The following TAOK1 variants were observed in gnomAD, a reference collection of about 807,000 sequenced individuals.
TAOK1 encodes the protein TAO kinase 1.
Under a neutral mutation model 138.3 loss-of-function variants are expected in TAOK1, and 21 were observed. The ratio of observed to expected loss-of-function variants is 0.15; its 90% confidence interval spans 0.11 to 0.22. The LOEUF (loss-of-function observed/expected upper bound fraction) is 0.22. Among genes scored for constraint, TAOK1 ranks in the 10% least tolerant of loss-of-function variants. The probability of loss-of-function intolerance (pLI) is 1.00; values close to 1 mark genes in which losing one functional copy is unlikely to be tolerated. For synonymous variants in TAOK1, 361 were observed against 398.4 expected (o/e 0.91, Z 1.12); for missense variants, 651 against 1,227.7 (o/e 0.53, Z 7.02).
At chr17:29,470,306 G>C (rs547271272) in intron 3 of TAOK1, among the ~76,000 whole-genome samples, 35 of 152,246 alleles carry the variant, frequency 2.3e-4, no homozygotes, top group Admixed American at 8.5e-4. Context: ...AGTGAATAAG[G>C]CTCTTAGTAA....
intron 1 of TAOK1, among the ~76,000 whole-genome samples, chr17:29,411,252 C>T (rs1212810560): frequency 8.0e-5 from 12 of 149,258 alleles, no homozygotes; most frequent in African/African-American, 2.2e-4. Context: ...CCACTACGCC[C>T]GGCTAATTTT....
chr17:29,432,361 G>C, intron 1 of TAOK1, among the ~76,000 whole-genome samples: 1 of 152,234 alleles, frequency 6.6e-6, no homozygotes, highest in East Asian at 1.9e-4. Flanking sequence ...TTTCCATCCT[G>C]GGTGGGCCAG....
At chr17:29,521,863 T>G (rs577739245) in intron 16 of TAOK1, among the ~76,000 whole-genome samples, 88 of 152,366 alleles carry the variant, frequency 5.8e-4, no homozygotes, top group South Asian at 4.8e-3. Context: ...ATTACAGGCA[T>G]GAGCCACCGC....
intron 2 of TAOK1, among the ~76,000 whole-genome samples, chr17:29,465,837 CTTTTTTTTT>C (rs3058623): frequency 2.4e-4 from 11 of 45,454 alleles, no homozygotes; most frequent in South Asian, 1.9e-3. Context: ...AGTTTCTGTG[CTTTTTTTTT>C]TTTTTTTTTT....
Position 29,543,688 on chromosome 17 carries a change from T to G in TAOK1, c.*666T>G, listed in dbSNP as rs2032356572. On this transcript the variant is annotated 3_prime_UTR_variant, in exon 20 of 20. Coordinates refer to ENST00000261716, the MANE Select transcript of TAOK1 (RefSeq NM_020791.4). ...ATGAACACTAAAGGACTTCATTGAT[T>G]TTTTCAGAGAGTAGAAAACAACTTA... The G allele has an allele frequency of 6.6e-6, 1 of 152,332 alleles. No individual in the cohort carries two copies. The highest frequency in any genetic ancestry group is 6.5e-5 in the Admixed American group (1 of 15,280). 9.4% of individuals were successfully genotyped at this position (152,332 alleles called of 1,614,324 possible).
chr17:29,502,539 C>G, intron 12 of TAOK1, 50 bp from the exon 13 acceptor site: 1 of 1,550,972 alleles, frequency 6.4e-7, no homozygotes, highest in Non-Finnish European at 8.7e-7. Flanking sequence ...CATAAAGATT[C>G]AAACAAACTG....
At chr17:29,497,083 A>G (rs976965869) in intron 11 of TAOK1, among the ~76,000 whole-genome samples, 1 of 151,734 alleles carries the variant, frequency 6.6e-6, no homozygotes, top group Non-Finnish European at 1.5e-5. Context: ...TCATGAAGCA[A>G]TATACATATT....
intron 19 of TAOK1, among the ~76,000 whole-genome samples, chr17:29,541,653 G>A (rs2032318949): frequency 6.6e-6 from 1 of 150,378 alleles, no homozygotes; most frequent in Non-Finnish European, 1.5e-5. Context: ...GCACATGCCT[G>A]TAATCCCAGC....
chr17:29,401,170 C>T (rs868801698), intron 1 of TAOK1, among the ~76,000 whole-genome samples: 1 of 152,116 alleles, frequency 6.6e-6, no homozygotes, highest in Non-Finnish European at 1.5e-5. Context: ...TTGCCTTGGC[C>T]TCCCAAAGTG....
intron 2 of TAOK1, among the ~76,000 whole-genome samples, chr17:29,465,010 G>A (rs568044699): frequency 2.0e-5 from 3 of 151,212 alleles, no homozygotes; most frequent in South Asian, 2.1e-4. Context: ...TGGTAGAGAC[G>A]GGGTTTCACC....
At position 29,550,355 on chromosome 17, in the gene TAOK1, T is replaced by A. The variant is rs1253117866; in HGVS notation, c.*7333T>A. ...ATTTGTAAATGCTTTAGAGTTTTTT[T>A]AATTAACACTTGTGTTGCTAAATTC... On this transcript the variant is annotated 3_prime_UTR_variant, in exon 20 of 20. Transcript: ENST00000261716. The A allele has an allele frequency of 1.3e-5, 2 of 152,232 alleles. No homozygotes were observed. Among genetic ancestry groups the A allele is most frequent in the East Asian group, 1.9e-4 (1 of 5,204 alleles). The allele number at this position is 152,232 out of a possible 1,614,324, so 9.4% of individuals were successfully genotyped here.
intron 1 of TAOK1, among the ~76,000 whole-genome samples, chr17:29,417,011 T>TG (rs1905279526): frequency 6.6e-6 from 1 of 152,090 alleles, no homozygotes; most frequent in African/African-American, 2.4e-5. Flanking sequence ...ACCAGTTTTT[T>TG]TTTTTTGTTG....
At chr17:29,451,958 G>A (rs1002913350) in intron 2 of TAOK1, among the ~76,000 whole-genome samples, 2 of 152,178 alleles carry the variant, frequency 1.3e-5, no homozygotes, top group African/African-American at 4.8e-5. Flanking sequence ...GCTCACGCCT[G>A]TAATCCTAGC....
intron 1 of TAOK1, among the ~76,000 whole-genome samples, chr17:29,430,509 A>G (rs1324673513): frequency 6.6e-6 from 1 of 152,216 alleles, no homozygotes; most frequent in Non-Finnish European, 1.5e-5. Context: ...AAAGTTGCAA[A>G]CGAAGACTCC....
At chr17:29,531,214 G>A (rs1416728522) in intron 18 of TAOK1, among the ~76,000 whole-genome samples, 14 of 151,020 alleles carry the variant, frequency 9.3e-5, no homozygotes, top group South Asian at 2.1e-4. Context: ...TGATCCGCCC[G>A]CCTCGGCCTC....
Position 29,551,455 on chromosome 17 carries a change from C to T in TAOK1, c.*8433C>T, listed in dbSNP as rs915920393. ...GACTGATACTTTTTTGAGAGAGTATCGTGTCGAAAGTGTGATGTTCTACCA... is the reference window on the plus strand; with the variant it reads ...GACTGATACTTTTTTGAGAGAGTATTGTGTCGAAAGTGTGATGTTCTACCA... On this transcript the variant is annotated 3_prime_UTR_variant, in exon 20 of 20. Transcript: ENST00000261716. 2 of 152,132 alleles carry T rather than the reference C, an allele frequency of 1.3e-5. No homozygotes were observed. Among genetic ancestry groups the T allele is most frequent in the African/African-American group, 2.4e-5 (1 of 41,420 alleles). 9.4% of individuals were successfully genotyped at this position (152,132 alleles called of 1,614,324 possible).
At chr17:29,504,692 G>A (rs968167012) in intron 13 of TAOK1, among the ~76,000 whole-genome samples, 1 of 151,890 alleles carries the variant, frequency 6.6e-6, no homozygotes, top group East Asian at 1.9e-4. Context: ...ATAAAAAAAA[G>A]AAAAGAAAAT....
At chr17:29,400,746 C>G (rs1304533116) in intron 1 of TAOK1, among the ~76,000 whole-genome samples, 1 of 152,040 alleles carries the variant, frequency 6.6e-6, no homozygotes, top group East Asian at 1.9e-4. Context: ...ATTTTTAGTT[C>G]CTCTAAGCCA....
At chr17:29,444,317 T>G (rs193005669) in intron 1 of TAOK1, among the ~76,000 whole-genome samples, 1 of 152,236 alleles carries the variant, frequency 6.6e-6, no homozygotes, top group African/African-American at 2.4e-5. Flanking sequence ...TTAGTTTACA[T>G]TGACAGCTCT....
Sources: allele counts gnomAD v4.1 joint callset (sites outside exome capture counted in the v4.1 genomes callset), GRCh38; gene constraint gnomAD v4.1.1; transcripts MANE v1.5; gene names NCBI Gene and HGNC (gene_info 2026-07-23, HGNC 2026-07-21).